NANS: variants seen among roughly 807,000 people sequenced by gnomAD.
NANS encodes the protein N-acetylneuraminate synthase.
NANS carries 29 observed loss-of-function variants against 33.3 expected under a neutral mutation model. The observed-to-expected ratio is 0.87, with a 90% CI of 0.65 to 1.19. The LOEUF is 1.19. Among genes scored for constraint, NANS ranks in the 50% most tolerant of loss-of-function variants. NANS has a pLI of 0.00. For missense variants in NANS, 394 were observed against 461.1 expected, an observed-to-expected ratio of 0.85 and a Z score of 1.33; for synonymous variants, 163 against 177.2, an observed-to-expected ratio of 0.92 and a Z score of 0.64.
intron 1 of NANS, among the ~76,000 whole-genome samples, chr9:98,058,768 T>C (rs184376619): frequency 1.3e-5 from 2 of 152,272 alleles, no homozygotes; most frequent in East Asian, 3.9e-4. Flanking sequence ...TCTAATTCCA[T>C]TGAGCTGGAA....
chr9:98,072,001 CG>C (rs1455522719), intron 2 of NANS, among the ~76,000 whole-genome samples: 1 of 152,112 alleles, frequency 6.6e-6, no homozygotes, highest in Non-Finnish European at 1.5e-5. Flanking sequence ...GTGTTTGCAG[CG>C]GGGCTTCCTC....
chr9:98,082,828 T>A lies in NANS; in HGVS notation c.871-18T>A. 6.2e-7 allele frequency: 1 copy of A among 1,612,566 alleles called. No individual in the cohort carries two copies. Among genetic ancestry groups the A allele is most frequent in the Non-Finnish European group, 8.5e-7 (1 of 1,179,018 alleles). Reference sequence around the variant, plus strand: ...TTACTTCTGTGAAGCTGGCACTGAATGTTCATTTTGTCCACAGCTGGGCAA... The same window carrying A: ...TTACTTCTGTGAAGCTGGCACTGAAAGTTCATTTTGTCCACAGCTGGGCAA... On this transcript the variant is annotated intron_variant, in intron 5 of 5. Coordinates refer to ENST00000210444, the MANE Select transcript of NANS (RefSeq NM_018946.4).
Position 98,083,052 on chromosome 9 carries a change from TTAAAAA to T in NANS, c.*2_*7del, listed in dbSNP as rs1411302758. On this transcript the variant is annotated stop_retained_variant and 3_prime_UTR_variant, in exon 6 of 6. Transcript: ENST00000210444. ...ATAATCATGGCAAAAAAATCAAGTCTTAAAAATAAAGTGCCATTCTCTGAATTCTCA... is the reference window on the plus strand; with the variant it reads ...ATAATCATGGCAAAAAAATCAAGTCTTAAAGTGCCATTCTCTGAATTCTCA... 2.5e-6 allele frequency: 4 copies of T among 1,613,964 alleles called. No individual in the cohort carries two copies. The highest frequency in any genetic ancestry group is 2.2e-5 in the East Asian group (1 of 44,884).
rs1018067274 is a variant in NANS at position 98,063,091 on chromosome 9, A to AT, written c.348+2102dup. ...ATGCATGCACCACCAGGCCTGGCTG[A>AT]TTTTTTTTGTATTTTTAGTGGAGAC... is the stretch of plus-strand genomic sequence containing the variant. On this transcript the variant is annotated intron_variant, in intron 2 of 5. Transcript: ENST00000210444. Among the ~76,000 whole-genome samples the AT allele has an allele frequency of 1.7e-4, 26 of 149,606 alleles. No homozygotes were observed. In the Middle Eastern group the frequency reaches 0.011, roughly 61 times the overall value.
chr9:98,072,066 A>G (rs1829359427), intron 2 of NANS, among the ~76,000 whole-genome samples: 1 of 152,032 alleles, frequency 6.6e-6, no homozygotes, highest in African/African-American at 2.4e-5. Flanking sequence ...GGTGTCTGTG[A>G]TGGGTGTTTT....
chr9:98,081,476 T>A (rs958902143), intron 5 of NANS: 6 of 183,774 alleles, frequency 3.3e-5, no homozygotes, highest in Non-Finnish European at 6.8e-5. Context: ...CGGTGTTCCC[T>A]GAGGTACCAG....
At chr9:98,061,061 T>A in intron 2 of NANS, 64 bp downstream of exon 2, 1 of 1,540,602 alleles carries the variant, frequency 6.5e-7, no homozygotes, top group Non-Finnish European at 9.0e-7. Context: ...GGCAGCCTGG[T>A]GACTTCCGGC....
At chr9:98,059,995 C>G (rs530025024) in intron 1 of NANS, among the ~76,000 whole-genome samples, 112 of 152,244 alleles carry the variant, frequency 7.4e-4, no homozygotes, top group Admixed American at 1.9e-3. Flanking sequence ...TTTACACATC[C>G]TGGAGGTAGC....
chr9:98,077,674 G>C (rs1240132182), intron 3 of NANS, among the ~76,000 whole-genome samples: 1 of 152,092 alleles, frequency 6.6e-6, no homozygotes, highest in Non-Finnish European at 1.5e-5. Context: ...CGTGTAAAGT[G>C]GTTTTACAAC....
At chr9:98,059,730 G>GTTT (rs796331198) in intron 1 of NANS, among the ~76,000 whole-genome samples, 1 of 139,524 alleles carries the variant, frequency 7.2e-6, no homozygotes, top group African/African-American at 2.6e-5. Context: ...AGTGTTTTTT[G>GTTT]TTTTTTTTTT....
chr9:98,065,910 C>G (rs1174397785), intron 2 of NANS, among the ~76,000 whole-genome samples: 1 of 152,130 alleles, frequency 6.6e-6, no homozygotes, highest in African/African-American at 2.4e-5. Context: ...CTTTTGCCCC[C>G]CACCATGATT....
chr9:98,077,059 A>C (rs1829624920), intron 3 of NANS, 42 bp downstream of exon 3: 2 of 1,464,936 alleles, frequency 1.4e-6, no homozygotes, highest in African/African-American at 2.8e-5. Context: ...GGGAGTCCAA[A>C]CCTTCATATT....
intron 2 of NANS, chr9:98,069,260 A>G (rs1407377568): frequency 1.3e-5 from 2 of 149,504 alleles, no homozygotes; most frequent in Non-Finnish European, 2.9e-5. Flanking sequence ...CTCAGCAATC[A>G]AAAGGAATGA....
intron 5 of NANS, 80 bp downstream of exon 5, chr9:98,081,162 C>G (rs1207658784): frequency 1.3e-6 from 2 of 1,561,394 alleles, no homozygotes; most frequent in Non-Finnish European, 1.7e-6. Flanking sequence ...ATGGTCAGGA[C>G]CAGCCCTCCC....
chr9:98,066,865 G>A (rs141573930), intron 2 of NANS, among the ~76,000 whole-genome samples: 3 of 152,228 alleles, frequency 2.0e-5, no homozygotes, highest in Non-Finnish European at 4.4e-5. Flanking sequence ...TGACCAGGCT[G>A]ATCTTGAACT....
intron 2 of NANS, among the ~76,000 whole-genome samples, chr9:98,071,003 G>A (rs541763916): frequency 2.6e-5 from 4 of 151,914 alleles, no homozygotes; most frequent in African/African-American, 9.7e-5. Flanking sequence ...TGTAGAGATG[G>A]GGTCTCCCTA....
At chr9:98,060,440 G>A (rs1219644708) in intron 1 of NANS, among the ~76,000 whole-genome samples, 6 of 152,116 alleles carry the variant, frequency 3.9e-5, no homozygotes, top group Non-Finnish European at 7.3e-5. Context: ...AGGCCAAGGC[G>A]TTTGGATCAC....
intron 2 of NANS, among the ~76,000 whole-genome samples, chr9:98,065,358 G>C (rs1829109290): frequency 7.3e-6 from 1 of 136,430 alleles, no homozygotes; most frequent in East Asian, 2.0e-4. Flanking sequence ...TGTTGCCCAG[G>C]CTGGAGTGCA....
chr9:98,065,600 A>G (rs1467039254), intron 2 of NANS, among the ~76,000 whole-genome samples: 1 of 148,282 alleles, frequency 6.7e-6, no homozygotes, highest in Non-Finnish European at 1.5e-5. Context: ...TGGCCTCCCA[A>G]AGTGTTAGGA....
Sources: gnomAD v4.1 joint callset for allele counts (sites outside exome capture counted in the v4.1 genomes callset) on GRCh38, gnomAD v4.1.1 for gene constraint, MANE v1.5 for transcripts, NCBI Gene and HGNC (gene_info 2026-07-23, HGNC 2026-07-21) for gene names.